PAPOLA: variants seen among roughly 807,000 people sequenced by gnomAD.
The protein encoded by PAPOLA is polynucleotide adenylyltransferase alpha.
Under a neutral mutation model 100.6 loss-of-function variants are expected in PAPOLA, and 15 were observed. The observed-to-expected ratio is 0.15, with a 90% CI of 0.10 to 0.23. The LOEUF (loss-of-function observed/expected upper bound fraction) is 0.23, where lower values mean the gene tolerates loss of function less well. PAPOLA is among the 10% of genes least tolerant of loss of function. The pLI, the probability that PAPOLA is intolerant of heterozygous loss-of-function variation, is 1.00. For synonymous variants in PAPOLA, 293 were observed against 300.0 expected (o/e 0.98, Z 0.24); for missense variants, 533 against 884.2 (o/e 0.60, Z 5.04).
intron 12 of PAPOLA, chr14:96,537,310 T>C: frequency 2.2e-6 from 1 of 456,636 alleles, no homozygotes. Flanking sequence ...TCTGTAGGCA[T>C]ACATCAGTCA....
rs1197633958 is a variant in PAPOLA at position 96,549,900 on chromosome 14, C to T, written c.1521+1982C>T. On this transcript the variant is annotated intron_variant, in intron 16 of 21. Transcript: ENST00000216277. ...GGGAATGGTGGCTCATGCTTGTAAT[C>T]CCAGTGACTTGTGAGGCTGCAGTAG... Among the ~76,000 whole-genome samples the T allele has an allele frequency of 2.6e-5, 4 of 152,108 alleles. 1 individual carries two copies. The highest frequency in any genetic ancestry group is 9.7e-5 in the African/African-American group (4 of 41,424).
chr14:96,544,389 G>A, intron 15 of PAPOLA, 131 bp downstream of exon 15: 1 of 594,072 alleles, frequency 1.7e-6, no homozygotes, highest in Non-Finnish European at 3.0e-6. Context: ...TCAGAATAAT[G>A]GTTTTGTATT....
intron 21 of PAPOLA, among the ~76,000 whole-genome samples, chr14:96,563,818 T>G (rs1902065460): frequency 6.7e-6 from 1 of 150,178 alleles, no homozygotes; most frequent in South Asian, 2.1e-4. Flanking sequence ...ATGCTTAATA[T>G]TGATACGTGG....
intron 9 of PAPOLA, chr14:96,534,062 T>C (rs1899306625): frequency 7.1e-6 from 7 of 987,086 alleles, no homozygotes; most frequent in Non-Finnish European, 7.2e-6. Context: ...ATGAATTCTA[T>C]AATTATTCAT....
intron 9 of PAPOLA, chr14:96,534,074 C>T: frequency 4.0e-6 from 4 of 990,826 alleles, no homozygotes; most frequent in Non-Finnish European, 4.8e-6. Flanking sequence ...ATTATTCATA[C>T]CCCTTTGCCT....
intron 15 of PAPOLA, among the ~76,000 whole-genome samples, chr14:96,545,152 G>T (rs1489546755): frequency 6.6e-6 from 1 of 151,940 alleles, no homozygotes; most frequent in Non-Finnish European, 1.5e-5. Context: ...TTTCACTTGA[G>T]AACATACAGA....
chr14:96,530,609 G>A (rs889565755), intron 6 of PAPOLA, among the ~76,000 whole-genome samples: 7 of 151,952 alleles, frequency 4.6e-5, no homozygotes, highest in Admixed American at 3.3e-4. Flanking sequence ...GGCTGATCTC[G>A]AAGACAGCCT....
chr14:96,560,431 A>G (rs940122717), intron 19 of PAPOLA: 1 of 443,260 alleles, frequency 2.3e-6, no homozygotes, highest in East Asian at 3.9e-5. Context: ...CTGCAGTAAC[A>G]GTTTTCCTAA....
rs758743228 is a variant in PAPOLA, at chr14:96,502,560, G to C, written c.-33G>C. 3.9e-6 allele frequency: 6 copies of C among 1,537,378 alleles called. No homozygotes were observed. The highest frequency in any genetic ancestry group is 4.4e-6 in the Non-Finnish European group (5 of 1,137,926). ...GCGGCAGCGGCGGCGGTTGCGGGGG[G>C]GAAGTGACTGGGCGGTGCCGGCGCC... is the stretch of plus-strand genomic sequence containing the variant. On this transcript the variant is annotated 5_prime_UTR_variant, in exon 1 of 22. Transcript: ENST00000216277.
chr14:96,507,522 G>C (rs1468726053), intron 1 of PAPOLA, among the ~76,000 whole-genome samples: 1 of 152,176 alleles, frequency 6.6e-6, no homozygotes, highest in Non-Finnish European at 1.5e-5. Flanking sequence ...TGATCCGCCT[G>C]CCTCGGCCTC....
chr14:96,502,499 C>G lies in PAPOLA; in HGVS notation c.-94C>G, dbSNP rs749926403. On this transcript the variant is annotated 5_prime_UTR_variant, in exon 1 of 22. Coordinates refer to ENST00000216277, the MANE Select transcript of PAPOLA (RefSeq NM_032632.5). ...GTTGGACCCAGGGCTGAGGCAGGCC[C>G]CCCCCTCCCTCCCGCCTCAGTGGAT... The G allele has an allele frequency of 4.0e-6, 4 of 997,570 alleles. No individual in the cohort carries two copies. Among genetic ancestry groups the G allele is most frequent in the Non-Finnish European group, 6.0e-6 (4 of 663,898 alleles). 61.8% of individuals were successfully genotyped at this position (997,570 alleles called of 1,614,324 possible). A position where few individuals can be genotyped will look rare whatever the true frequency, so the allele number is the denominator to read the frequency against.
chr14:96,547,759 A>T (rs1333288543), intron 15 of PAPOLA, 38 bp from the exon 16 acceptor site: 1 of 1,525,104 alleles, frequency 6.6e-7, no homozygotes, highest in African/African-American at 1.4e-5. Flanking sequence ...CTTTATTAAA[A>T]TGTTTCTATT....
intron 1 of PAPOLA, among the ~76,000 whole-genome samples, chr14:96,514,041 G>A (rs560533738): frequency 2.0e-5 from 3 of 152,256 alleles, no homozygotes; most frequent in Non-Finnish European, 4.4e-5. Flanking sequence ...AGCCATTTGA[G>A]TATTTCATAG....
rs1293405221 is a variant in PAPOLA, at chr14:96,527,451, G to T, written c.353G>T (p.Cys118Phe). ...TTAGGTGCTGATATTGATGCGTTGTGTGTTGCACCAAGACATGTTGATCGA... is the reference window on the plus strand; with the variant it reads ...TTAGGTGCTGATATTGATGCGTTGTTTGTTGCACCAAGACATGTTGATCGA... ...HTKGADIDAL[C>F]VAPRHVDRSD... Residue 118 changes from cysteine (C) to phenylalanine (F), a missense_variant, in exon 5 of 22, where the codon TGT (cysteine) becomes TTT (phenylalanine). Cys to Phe is a radical substitution (Grantham distance 205). This residue lies in a region of PAPOLA where 54 missense variants were observed against 133.2 expected (regional missense o/e 0.41). Coordinates refer to ENST00000216277, the MANE Select transcript of PAPOLA (RefSeq NM_032632.5). 1.9e-6 allele frequency: 3 copies of T among 1,610,832 alleles called. No individual in the cohort carries two copies. The highest frequency in any genetic ancestry group is 1.3e-5 in the African/African-American group (1 of 74,840).
chr14:96,543,758 C>T (rs1900178067), intron 14 of PAPOLA, among the ~76,000 whole-genome samples: 1 of 151,968 alleles, frequency 6.6e-6, no homozygotes, highest in South Asian at 2.1e-4. Context: ...TAAGAAATAT[C>T]TATTAAGTTC....
At chr14:96,564,859 T>A in intron 21 of PAPOLA, 96 bp from the exon 22 acceptor site, 1 of 704,212 alleles carries the variant, frequency 1.4e-6, no homozygotes, top group Non-Finnish European at 2.6e-6. Context: ...CTTTTCTTCT[T>A]AGAAGGTTTC....
intron 20 of PAPOLA, 63 bp downstream of exon 20, chr14:96,560,774 G>T: frequency 9.6e-7 from 1 of 1,042,332 alleles, no homozygotes; most frequent in South Asian, 1.4e-5. Context: ...TAATAGAAAT[G>T]TCTCTAAAAT....
intron 10 of PAPOLA, 64 bp from the exon 11 acceptor site, chr14:96,535,815 T>C: frequency 7.4e-7 from 1 of 1,352,140 alleles, no homozygotes; most frequent in Non-Finnish European, 9.7e-7. Flanking sequence ...TAACAAGGGG[T>C]AAAAAGCCCA....
intron 1 of PAPOLA, among the ~76,000 whole-genome samples, chr14:96,509,466 G>A (rs1412864062): frequency 6.6e-6 from 1 of 152,114 alleles, no homozygotes; most frequent in Non-Finnish European, 1.5e-5. Context: ...GTAACATATA[G>A]TGTATACTTG....
Sources: gnomAD v4.1 joint callset for allele counts (sites outside exome capture counted in the v4.1 genomes callset) on GRCh38, gnomAD v4.1.1 for gene constraint, gnomAD v4.1.1 regional missense constraint, MANE v1.5 for transcripts, NCBI Gene and HGNC (gene_info 2026-07-23, HGNC 2026-07-21) for gene names.